The following LRP2 variants were observed in gnomAD, a reference collection of about 807,000 sequenced individuals.
LRP2 encodes the protein low-density lipoprotein receptor-related protein 2.
LRP2 carries 172 observed loss-of-function variants against 531.0 expected under a neutral mutation model. The observed-to-expected ratio is 0.32, with a 90% confidence interval of 0.29 to 0.37. The LOEUF is 0.37. Among genes scored for constraint, LRP2 ranks in the 10% least tolerant of loss-of-function variants. LRP2 has a pLI of 1.00. For synonymous variants in LRP2, 1,992 were observed against 2,027.6 expected (o/e 0.98, Z 0.47); for missense variants, 5,167 against 5,868.3 (o/e 0.88, Z 3.90).
Position 169,169,764 on chromosome 2 carries a change from T to A in LRP2, c.11435A>T (p.His3812Leu). ...YFQCTSGHCVHSELKCDGSAD... is the reference protein window; with the variant it reads ...YFQCTSGHCVLSELKCDGSAD... Reference sequence around the variant, plus strand: ...GGATCCATCGCATTTCAGTTCACTGTGTACACAATGTCCACTTGTACACTG... The same window carrying A: ...GGATCCATCGCATTTCAGTTCACTGAGTACACAATGTCCACTTGTACACTG... The change falls in exon 60 of 79, where the codon CAC (histidine) becomes CTC (leucine). Residue 3812 changes from histidine (H) to leucine (L), a missense_variant. His to Leu is a moderately conservative substitution (Grantham distance 99). Around this residue, in one of 6 missense-constraint regions of LRP2, gnomAD observed 564 missense variants for 747.7 expected, o/e 0.75. Transcript: ENST00000649046. 1 of 1,614,166 alleles carries A rather than the reference T, an allele frequency of 6.2e-7. No individual in the cohort carries two copies. Among genetic ancestry groups the A allele is most frequent in the Non-Finnish European group, 8.5e-7 (1 of 1,179,980 alleles).
rs774317352 is a variant in LRP2, at chr2:169,174,163, C to T, written c.10770G>A (p.Glu3590=). ...DGSDEDRLLC[E]NHHCDSNEWQ... ...ATTCATTGGAGTCACAGTGGTGATT[C>T]TCTGAGAGCAGGGACATTTGGTTAT... is the stretch of plus-strand genomic sequence containing the variant. Residue 3590 remains glutamate (E), a splice_region_variant and synonymous_variant, in exon 56 of 79, where the codon GAG becomes GAA. Transcript: ENST00000649046. The T allele has an allele frequency of 1.2e-6, 2 of 1,614,072 alleles. No homozygotes were observed. The highest frequency in any genetic ancestry group is 1.7e-6 in the Non-Finnish European group (2 of 1,180,044).
At chr2:169,131,498 T>TA (rs1321834914) in intron 77 of LRP2, among the ~76,000 whole-genome samples, 2 of 152,146 alleles carry the variant, frequency 1.3e-5, no homozygotes, top group Non-Finnish European at 2.9e-5. Context: ...TATAAAATGG[T>TA]AAAATTTCCA....
Position 169,206,096 on chromosome 2 carries a change from C to A in LRP2, c.7483G>T (p.Glu2495Ter), listed in dbSNP as rs571602186. ...ATCACAGTGCGGTTAGACCCATCTT[C>A]AGCCATGGAATTAATCATCTGGTTG... ...YLNQMINSMA[E>*]DGSNRTVIAR... The change falls in exon 40 of 79, where the codon GAA (glutamate) becomes TAA (stop). Residue 2495 changes from glutamate (E) to a stop codon, truncating the protein, a stop_gained. Transcript: ENST00000649046. LOFTEE classifies it high-confidence loss of function. 6.2e-7 allele frequency: 1 copy of A among 1,614,200 alleles called. No homozygotes were observed.
chr2:169,355,268 C>A (rs1685958276), intron 1 of LRP2, among the ~76,000 whole-genome samples: 2 of 152,204 alleles, frequency 1.3e-5, no homozygotes, highest in Admixed American at 6.5e-5. Context: ...CCTTTCAATT[C>A]TGTAAGTTAC....
At chr2:169,267,751 A>G (rs971343265) in intron 16 of LRP2, among the ~76,000 whole-genome samples, 3 of 152,218 alleles carry the variant, frequency 2.0e-5, no homozygotes, top group Non-Finnish European at 2.9e-5. Flanking sequence ...GAAATAACTA[A>G]GATCATAGCA....
intron 1 of LRP2, among the ~76,000 whole-genome samples, chr2:169,350,443 G>C (rs1685816039): frequency 6.6e-6 from 1 of 152,004 alleles, no homozygotes; most frequent in African/African-American, 2.4e-5. Context: ...CAAAAGTATG[G>C]GGACTGAGGC....
intron 44 of LRP2, 46 bp from the exon 45 acceptor site, chr2:169,198,957 T>C: frequency 6.3e-7 from 1 of 1,594,496 alleles, no homozygotes; most frequent in Non-Finnish European, 8.6e-7. Context: ...ATCCACCAAA[T>C]ATGTATTATG....
chr2:169,266,882 C>A (rs1183821759), intron 16 of LRP2, among the ~76,000 whole-genome samples: 1 of 100,010 alleles, frequency 1.0e-5, no homozygotes, highest in Non-Finnish European at 1.9e-5. Flanking sequence ...ACGTTTGTAA[C>A]CTTTTTTTTT....
chr2:169,188,545 T>C, intron 48 of LRP2, among the ~76,000 whole-genome samples: 1 of 152,226 alleles, frequency 6.6e-6, no homozygotes, highest in South Asian at 2.1e-4. Flanking sequence ...TTAATAGCTA[T>C]AGATAATTAG....
intron 36 of LRP2, among the ~76,000 whole-genome samples, chr2:169,212,886 C>T (rs1215711992): frequency 6.6e-6 from 1 of 151,408 alleles, no homozygotes; most frequent in Non-Finnish European, 1.5e-5. Flanking sequence ...ACTCATGTAA[C>T]CAAACACCAC....
chr2:169,148,309 G>A (rs34008226), intron 68 of LRP2, among the ~76,000 whole-genome samples: 5,425 of 152,096 alleles, frequency 0.036, 108 homozygotes, highest in Non-Finnish European at 0.049. Context: ...CTGAGGGCAG[G>A]AAAATGGTGG....
At chr2:169,310,435 C>T (rs190885131) in intron 3 of LRP2, among the ~76,000 whole-genome samples, 1,731 of 152,202 alleles carry the variant, frequency 0.011, 18 homozygotes, top group Non-Finnish European at 0.019. Context: ...TGTCAAAGGC[C>T]TTTTCTGCGT....
intron 61 of LRP2, among the ~76,000 whole-genome samples, chr2:169,167,386 T>C (rs1384736374): frequency 6.6e-6 from 1 of 152,180 alleles, no homozygotes; most frequent in Non-Finnish European, 1.5e-5. Flanking sequence ...GGAAAGGGGA[T>C]GGAAGATGCA....
At position 169,156,263 on chromosome 2, in the gene LRP2, A is replaced by T; in HGVS notation, c.12151+11T>A. The T allele has an allele frequency of 6.2e-7, 1 of 1,613,440 alleles. No individual in the cohort carries two copies. Among genetic ancestry groups the T allele is most frequent in the Non-Finnish European group, 8.5e-7 (1 of 1,179,528 alleles). ...CAAAAGTCAATTAATCCCAACATGA[A>T]CCCATCATACCCTCAGCTGCACATC... is the stretch of plus-strand genomic sequence containing the variant. On this transcript the variant is annotated intron_variant, in intron 65 of 78. Coordinates refer to ENST00000649046, the MANE Select transcript of LRP2 (RefSeq NM_004525.3).
intron 74 of LRP2, 109 bp from the exon 75 acceptor site, chr2:169,138,815 C>T (rs1257851483): frequency 8.0e-7 from 1 of 1,256,540 alleles, no homozygotes; most frequent in African/African-American, 1.5e-5. Context: ...GCCAAATCTT[C>T]CTCAAATGTA....
chr2:169,275,701 G>A (rs1683534410), intron 13 of LRP2, among the ~76,000 whole-genome samples: 1 of 152,150 alleles, frequency 6.6e-6, no homozygotes, highest in South Asian at 2.1e-4. Context: ...AGGACAGTGA[G>A]TGGTAGGGTT....
chr2:169,168,397 A>T, intron 61 of LRP2, 142 bp downstream of exon 61: 1 of 994,604 alleles, frequency 1.0e-6, no homozygotes, highest in Non-Finnish European at 1.6e-6. Flanking sequence ...TGGAAGACCC[A>T]GTGAAATAAC....
At chr2:169,306,388 G>T (rs1684418870) in intron 4 of LRP2, among the ~76,000 whole-genome samples, 1 of 152,098 alleles carries the variant, frequency 6.6e-6, no homozygotes, top group Non-Finnish European at 1.5e-5. Flanking sequence ...ACAAAAATTA[G>T]TCGGGCGTGG....
At chr2:169,232,676 C>T (rs370835258) in intron 30 of LRP2, among the ~76,000 whole-genome samples, 1 of 152,024 alleles carries the variant, frequency 6.6e-6, no homozygotes, top group East Asian at 1.9e-4. Context: ...CTAAATAGCA[C>T]GCGAAGCAAC....
Sources: allele counts gnomAD v4.1 joint callset (sites outside exome capture counted in the v4.1 genomes callset), GRCh38; gene constraint gnomAD v4.1.1; regional missense constraint gnomAD v4.1.1; transcripts MANE v1.5; gene names NCBI Gene and HGNC (gene_info 2026-07-23, HGNC 2026-07-21).